Variants in RBM20 observed in about 807,000 individuals in gnomAD.
RBM20 encodes the protein RNA-binding protein 20.
In RBM20, 51 loss-of-function variants were observed where a neutral mutation model predicts 110.1. The ratio of observed to expected loss-of-function variants is 0.46; its 90% CI spans 0.37 to 0.59. The LOEUF (loss-of-function observed/expected upper bound fraction) is 0.59. RBM20 is among the 20% of genes least tolerant of loss of function. RBM20 has a pLI of 0.00. For synonymous variants in RBM20, 589 were observed against 618.2 expected, an observed-to-expected ratio of 0.95 and a Z score of 0.70; for missense variants, 1,512 against 1,574.9, an observed-to-expected ratio of 0.96 and a Z score of 0.68.
chr10:110,695,302 T>C (rs1261121096), intron 1 of RBM20, among the ~76,000 whole-genome samples: 1 of 152,230 alleles, frequency 6.6e-6, no homozygotes, highest in African/African-American at 2.4e-5. Flanking sequence ...ATAAATAATC[T>C]AACTGCATGC....
chr10:110,823,680 A>C, intron 12 of RBM20, 66 bp downstream of exon 12: 59 of 1,511,048 alleles, frequency 3.9e-5, no homozygotes, highest in Middle Eastern at 1.7e-4. Context: ...TAGCAACCTC[A>C]AGAGCTTGAG....
At chr10:110,699,253 G>A (rs1344539162) in intron 1 of RBM20, among the ~76,000 whole-genome samples, 2 of 142,600 alleles carry the variant, frequency 1.4e-5, no homozygotes, top group Non-Finnish European at 3.0e-5. Flanking sequence ...AAAAAAAAAA[G>A]TGCATTCTTT....
intron 12 of RBM20, among the ~76,000 whole-genome samples, chr10:110,825,156 T>C (rs1034173101): frequency 3.3e-5 from 5 of 152,128 alleles, no homozygotes; most frequent in African/African-American, 9.7e-5. Context: ...CCCTGGGTAT[T>C]TTAGCTCTAG....
intron 1 of RBM20, among the ~76,000 whole-genome samples, chr10:110,714,635 G>T (rs562982237): frequency 1.3e-5 from 2 of 152,274 alleles, no homozygotes; most frequent in Non-Finnish European, 2.9e-5. Context: ...AACAGCCTCT[G>T]GGAGCTGTGG....
At chr10:110,643,337 C>T (rs1861814346), upstream of RBM20, among the ~76,000 whole-genome samples, 1 of 152,358 alleles carries the variant, frequency 6.6e-6, no homozygotes, top group African/African-American at 2.4e-5. Flanking sequence ...GTGTCAGGTG[C>T]CTCGCATATT....
At chr10:110,812,180 G>A in intron 8 of RBM20, 98 bp from the exon 9 acceptor site, 3 of 1,081,754 alleles carry the variant, frequency 2.8e-6, no homozygotes, top group Non-Finnish European at 3.9e-6. Flanking sequence ...ACAGTTACAT[G>A]CACAGTATAT....
In RBM20 at chr10:110,837,429, C is replaced by CT. The variant is rs1425881160; in HGVS notation, c.*1452dup. Reference sequence around the variant, plus strand: ...AGCTGTTTTCATGAGCAGAGATACTCTCCTGAAAGCACCCTTCATAGCTTA... The same window carrying CT: ...AGCTGTTTTCATGAGCAGAGATACTCTTCCTGAAAGCACCCTTCATAGCTTA... On this transcript the variant is annotated 3_prime_UTR_variant, in exon 14 of 14. Coordinates refer to ENST00000369519, the MANE Select transcript of RBM20 (RefSeq NM_001134363.3). The CT allele has an allele frequency of 7.9e-5, 12 of 152,216 alleles. No individual in the cohort carries two copies. The highest frequency in any genetic ancestry group is 2.7e-4 in the African/African-American group (11 of 41,446). 9.4% of individuals were successfully genotyped at this position (152,216 alleles called of 1,614,324 possible).
At chr10:110,832,526 C>T (rs1327943114) in intron 13 of RBM20, among the ~76,000 whole-genome samples, 1 of 151,850 alleles carries the variant, frequency 6.6e-6, no homozygotes, top group African/African-American at 2.4e-5. Context: ...TTCAAATGTG[C>T]ACCCCTAGTT....
chr10:110,681,884 CT>C (rs375587549), intron 1 of RBM20, among the ~76,000 whole-genome samples: 36 of 147,172 alleles, frequency 2.4e-4, no homozygotes, highest in Admixed American at 3.4e-4. Context: ...TTCTTTTCTG[CT>C]TTTTTTTTTG....
intron 9 of RBM20, among the ~76,000 whole-genome samples, chr10:110,815,723 C>T (rs772349351): frequency 6.6e-6 from 1 of 152,174 alleles, no homozygotes; most frequent in South Asian, 2.1e-4. Flanking sequence ...CTGCTCTCAT[C>T]GGTTTGTATA....
chr10:110,661,045 C>T (rs1426446706), intron 1 of RBM20, among the ~76,000 whole-genome samples: 1 of 152,064 alleles, frequency 6.6e-6, no homozygotes, highest in African/African-American at 2.4e-5. Context: ...AGTGATTTAC[C>T]CCCCAGGGCC....
intron 1 of RBM20, among the ~76,000 whole-genome samples, chr10:110,699,398 A>G (rs1427430460): frequency 3.3e-5 from 5 of 151,600 alleles, no homozygotes; most frequent in Non-Finnish European, 5.9e-5. Context: ...GAGTCTCCCA[A>G]ATAGCTGAGA....
In RBM20 at chr10:110,821,808, G is replaced by A. The variant is rs1179002998; in HGVS notation, c.3189G>A (p.Val1063=). The A allele has an allele frequency of 1.7e-5, 26 of 1,551,632 alleles. No homozygotes were observed. Among genetic ancestry groups the A allele is most frequent in the Admixed American group, 3.9e-5 (2 of 50,988 alleles). ...EERARQPSPF[V]DDCKTRGTPE... The stretch of plus-strand genomic sequence containing the variant: ...GGGCCCGGCAGCCAAGCCCATTTGT[G>A]GATGATTGCAAGACCAGGGGGACCC... Residue 1063 remains valine (V), a synonymous_variant, in exon 11 of 14, where the codon GTG becomes GTA. Transcript: ENST00000369519.
At chr10:110,680,049 A>T (rs1292842483) in intron 1 of RBM20, among the ~76,000 whole-genome samples, 2 of 152,256 alleles carry the variant, frequency 1.3e-5, no homozygotes, top group Non-Finnish European at 2.9e-5. Flanking sequence ...TGACTTTAAG[A>T]ACAATTATTT....
In RBM20 at chr10:110,742,423, T is replaced by G. The variant is rs1157960925; in HGVS notation, c.192-38378T>G. Reference sequence around the variant, plus strand: ...AGACACAGGACTTGGACTTGGACAGTTTTGCTGCATGAACCACTGAAGTCT... The same window carrying G: ...AGACACAGGACTTGGACTTGGACAGGTTTGCTGCATGAACCACTGAAGTCT... On this transcript the variant is annotated intron_variant, in intron 1 of 13. Transcript: ENST00000369519. 2.0e-5 allele frequency among the ~76,000 whole-genome samples: 3 copies of G among 152,182 alleles called. No individual in the cohort carries two copies. In the South Asian group the frequency reaches 6.2e-4, roughly 32 times the overall value.
intron 5 of RBM20, among the ~76,000 whole-genome samples, chr10:110,789,258 A>T (rs965252549): frequency 1.3e-5 from 2 of 152,146 alleles, no homozygotes; most frequent in African/African-American, 4.8e-5. Context: ...CCTTCAGATT[A>T]TATCCGAACT....
chr10:110,744,963 C>T (rs10885035), intron 1 of RBM20, among the ~76,000 whole-genome samples: 53,307 of 152,002 alleles, frequency 0.35, 10,281 homozygotes, highest in East Asian at 0.51. Context: ...GAGCCAAGAG[C>T]GAGAGGTTAC....
intron 1 of RBM20, among the ~76,000 whole-genome samples, chr10:110,662,008 T>G (rs1862110871): frequency 1.2e-5 from 1 of 83,144 alleles, no homozygotes. Flanking sequence ...AAGACTGGTC[T>G]CAGGAAAAAA....
chr10:110,760,451 T>TTTTTG (rs1843982751), intron 1 of RBM20, among the ~76,000 whole-genome samples: 1 of 116,852 alleles, frequency 8.6e-6, no homozygotes, highest in Non-Finnish European at 1.7e-5. Flanking sequence ...TTTTTTTTTT[T>TTTTTG]TTGGAGACAG....
Sources: gnomAD v4.1 joint callset for allele counts (sites outside exome capture counted in the v4.1 genomes callset) on GRCh38, gnomAD v4.1.1 for gene constraint, MANE v1.5 for transcripts, NCBI Gene and HGNC (gene_info 2026-07-23, HGNC 2026-07-21) for gene names.